Variants in FNTB observed in about 807,000 individuals in gnomAD.
FNTB encodes protein farnesyltransferase subunit beta.
FNTB carries 27 observed loss-of-function variants against 59.4 expected under a neutral mutation model. That is an observed-to-expected ratio of 0.45 (90% CI 0.34 to 0.63). The LOEUF is 0.63. Ranked by LOEUF, FNTB falls within the 20% of genes least tolerant of loss-of-function variation. FNTB has a pLI of 0.02. For missense variants in FNTB, 449 were observed against 559.6 expected, an observed-to-expected ratio of 0.80 and a Z score of 1.99; for synonymous variants, 230 against 220.7, an observed-to-expected ratio of 1.04 and a Z score of -0.37.
Position 65,061,484 on chromosome 14 carries a change from C to T in FNTB, c.*172C>T. ...CCAATGGCTCTGGGTTTGGAGAACACAGTGGCTGGTTTTAAAAATTCTTTC... is the reference window on the plus strand; with the variant it reads ...CCAATGGCTCTGGGTTTGGAGAACATAGTGGCTGGTTTTAAAAATTCTTTC... On this transcript the variant is annotated 3_prime_UTR_variant, in exon 12 of 12. Coordinates refer to ENST00000246166, the MANE Select transcript of FNTB (RefSeq NM_002028.4). The T allele has an allele frequency of 8.4e-7, 1 of 1,191,160 alleles. No homozygotes were observed. Among genetic ancestry groups the T allele is most frequent in the Non-Finnish European group, 1.1e-6 (1 of 886,018 alleles). 73.8% of individuals were successfully genotyped at this position (1,191,160 alleles called of 1,614,324 possible).
intron 4 of FNTB, among the ~76,000 whole-genome samples, chr14:65,020,066 A>G (rs1052544981): frequency 1.3e-5 from 2 of 152,158 alleles, no homozygotes; most frequent in Non-Finnish European, 2.9e-5. Flanking sequence ...CATGTAACAC[A>G]CACGCCCCCT....
chr14:65,004,321 G>A lies in FNTB; in HGVS notation c.209+8G>A, dbSNP rs560735586. 1 of 1,612,082 alleles carries A rather than the reference G, an allele frequency of 6.2e-7. No homozygotes were observed. Among genetic ancestry groups the A allele is most frequent in the South Asian group, 1.1e-5 (1 of 90,708 alleles). ...CAACCACCTTGTACCAAGGTAAGCT[G>A]TGGTTAGGAGTTTGAGGGGATCTGG... On this transcript the variant is annotated splice_region_variant and intron_variant, in intron 2 of 11. Transcript: ENST00000246166.
rs180947107 is a variant in FNTB, at chr14:65,037,776, A to G, written c.693-3014A>G. On this transcript the variant is annotated intron_variant, in intron 7 of 11. Coordinates refer to ENST00000246166, the MANE Select transcript of FNTB (RefSeq NM_002028.4). ...TATTTATTTATTTATTTATTTATTT[A>G]TTTATTTATTTATTTATTTATTGAG... Among the ~76,000 whole-genome samples, 107 of 143,018 alleles carry G rather than the reference A, an allele frequency of 7.5e-4. No individual in the cohort carries two copies. The Middle Eastern group carries it at 0.011, about 14-fold the overall frequency. 93.8% of individuals were successfully genotyped at this position (143,018 alleles called of 152,430 possible).
Position 64,997,265 on chromosome 14 carries a change from G to A in FNTB, c.145-6984G>A, listed in dbSNP as rs999454383. On this transcript the variant is annotated intron_variant, in intron 1 of 11. Transcript: ENST00000246166. The surrounding 1 kb of genome is among the most constrained non-coding windows in gnomAD (Gnocchi z 4.5). The stretch of plus-strand genomic sequence containing the variant: ...GCAGAACCTAAGATTGGCTGTTTGA[G>A]ATGTCTTTTCAGATTTTTGCATTTC... Among the ~76,000 whole-genome samples the A allele has an allele frequency of 2.0e-5, 3 of 152,158 alleles. No homozygotes were observed. The highest frequency in any genetic ancestry group is 7.2e-5 in the African/African-American group (3 of 41,424).
At position 65,054,491 on chromosome 14, in the gene FNTB, C is replaced by T; in HGVS notation, c.1068-84C>T. The T allele has an allele frequency of 7.3e-7, 1 of 1,362,214 alleles. No individual in the cohort carries two copies. 84.4% of individuals were successfully genotyped at this position (1,362,214 alleles called of 1,614,324 possible). A position where few individuals can be genotyped will look rare whatever the true frequency, so the allele number is the denominator to read the frequency against. ...GATGGGGGGGGACGTGTGATTGCAC[C>T]AGTGGTCTCTGAATTGGTGTGGCTA... On this transcript the variant is annotated intron_variant, in intron 10 of 11. Coordinates refer to ENST00000246166, the MANE Select transcript of FNTB (RefSeq NM_002028.4). This position sits in a 1 kb window ranked among gnomAD's most constrained non-coding sequence, Gnocchi z 4.4.
chr14:64,987,110 G>A lies in FNTB; in HGVS notation c.144+13G>A. 6.2e-7 allele frequency: 1 copy of A among 1,613,992 alleles called. No homozygotes were observed. The highest frequency in any genetic ancestry group is 8.5e-7 in the Non-Finnish European group (1 of 1,180,008). On this transcript the variant is annotated intron_variant, in intron 1 of 11. Coordinates refer to ENST00000246166, the MANE Select transcript of FNTB (RefSeq NM_002028.4). ...GTCCATAGAACAGGTGAGGTGGCAG[G>A]ACTGGGCGAGGCGCCCGCGCGATGT...
chr14:65,061,513 A>G lies in FNTB; in HGVS notation c.*201A>G. 1.2e-6 allele frequency: 1 copy of G among 869,396 alleles called. No individual in the cohort carries two copies. The highest frequency in any genetic ancestry group is 1.7e-6 in the Non-Finnish European group (1 of 602,532). The allele number at this position is 869,396 out of a possible 1,614,324, so 53.9% of individuals were successfully genotyped here. A position where few individuals can be genotyped will look rare whatever the true frequency, so the allele number is the denominator to read the frequency against. On this transcript the variant is annotated 3_prime_UTR_variant, in exon 12 of 12. Coordinates refer to ENST00000246166, the MANE Select transcript of FNTB (RefSeq NM_002028.4). The stretch of plus-strand genomic sequence containing the variant: ...GGCTGGTTTTAAAAATTCTTTCCAC[A>G]CCTGTCAAACCAAAAATCTATCAGC...
chr14:64,987,091 A>G lies in FNTB; in HGVS notation c.138A>G (p.Ile46Met), dbSNP rs759929939. The change falls in exon 1 of 12, where the codon ATA (isoleucine) becomes ATG (methionine). Residue 46 changes from isoleucine to methionine, a missense_variant. Transcript: ENST00000246166. ...QDDSVETVTS[I>M]EQAKVEEKIQ... ...ACTCGGTGGAAACAGTCACGTCCATAGAACAGGTGAGGTGGCAGGACTGGG... is the reference window on the plus strand; with the variant it reads ...ACTCGGTGGAAACAGTCACGTCCATGGAACAGGTGAGGTGGCAGGACTGGG... 56 of 1,614,084 alleles carry G rather than the reference A, an allele frequency of 3.5e-5. No homozygotes were observed. In the Admixed American group the frequency reaches 6.5e-4, roughly 19 times the overall value.
chr14:65,056,506 C>A (rs1300070594), intron 11 of FNTB, among the ~76,000 whole-genome samples: 1 of 152,142 alleles, frequency 6.6e-6, no homozygotes, highest in Non-Finnish European at 1.5e-5. Context: ...CATAGTCAGA[C>A]CTTTTCCTTT....
At chr14:65,026,163 CTTG>C (rs1231244561) in intron 4 of FNTB, among the ~76,000 whole-genome samples, 6 of 152,202 alleles carry the variant, frequency 3.9e-5, no homozygotes, top group African/African-American at 9.6e-5. Flanking sequence ...AGACAGTTTG[CTTG>C]TTGTAAATGG....
rs994816099 is a variant in FNTB, at chr14:64,990,302, C to A, written c.144+3205C>A. 6.6e-6 allele frequency among the ~76,000 whole-genome samples: 1 copy of A among 152,162 alleles called. No individual in the cohort carries two copies. Among genetic ancestry groups the A allele is most frequent in the Non-Finnish European group, 1.5e-5 (1 of 68,034 alleles). ...CTGTAGATGTGCCCCAGGAGGGGGC[C>A]CTGCACTGACAGGTTGCCTTGCTTT... is the stretch of plus-strand genomic sequence containing the variant. On this transcript the variant is annotated intron_variant, in intron 1 of 11. Coordinates refer to ENST00000246166, the MANE Select transcript of FNTB (RefSeq NM_002028.4). The surrounding 1 kb of genome is among the most constrained non-coding windows in gnomAD (Gnocchi z 5.2).
In FNTB at chr14:65,054,522, G is replaced by A; in HGVS notation, c.1068-53G>A. On this transcript the variant is annotated intron_variant, in intron 10 of 11. Coordinates refer to ENST00000246166, the MANE Select transcript of FNTB (RefSeq NM_002028.4). This position sits in a 1 kb window ranked among gnomAD's most constrained non-coding sequence, Gnocchi z 4.4. ...TCTCTGAATTGGTGTGGCTACATTT[G>A]TAGATGTGTGCGGAGCAGAGGAGCG... 2 of 1,551,460 alleles carry A rather than the reference G, an allele frequency of 1.3e-6. No individual in the cohort carries two copies. Among genetic ancestry groups the A allele is most frequent in the South Asian group, 2.3e-5 (2 of 85,638 alleles).
At chr14:65,002,296 T>G (rs75448122) in intron 1 of FNTB, among the ~76,000 whole-genome samples, 2,656 of 152,344 alleles carry the variant, frequency 0.017, 46 homozygotes, top group African/African-American at 0.037. Context: ...CATTGCCTGA[T>G]GCACTCAGCA....
At chr14:65,049,063 G>A (rs1226657998) in intron 9 of FNTB, among the ~76,000 whole-genome samples, 1 of 151,922 alleles carries the variant, frequency 6.6e-6, no homozygotes, top group Non-Finnish European at 1.5e-5. Context: ...GGAGGCGGAG[G>A]TTGCAGTGAG....
rs547446900 is a variant in FNTB at position 65,060,504 on chromosome 14, G to A, written c.1183-677G>A. ...GAGGTCAGGAGATCGAGACCATCCC[G>A]GCTAAAACGGTGAAACCCCGTCTCT... is the stretch of plus-strand genomic sequence containing the variant. On this transcript the variant is annotated intron_variant, in intron 11 of 11. Coordinates refer to ENST00000246166, the MANE Select transcript of FNTB (RefSeq NM_002028.4). 3.9e-5 allele frequency among the ~76,000 whole-genome samples: 5 copies of A among 127,446 alleles called. 1 individual carries two copies. The East Asian group carries it at 9.0e-4, about 23-fold the overall frequency. 83.6% of individuals were successfully genotyped at this position (127,446 alleles called of 152,430 possible). A position where few individuals can be genotyped will look rare whatever the true frequency, so the allele number is the denominator to read the frequency against.
intron 1 of FNTB, 30 bp downstream of exon 1, chr14:64,987,127 G>A: frequency 8.7e-6 from 14 of 1,613,164 alleles, no homozygotes; most frequent in Non-Finnish European, 1.2e-5. Context: ...CGAGGCGCCC[G>A]CGCGATGTGT....
chr14:65,006,529 T>G (rs942138707), intron 2 of FNTB, among the ~76,000 whole-genome samples: 15 of 152,200 alleles, frequency 9.9e-5, no homozygotes, highest in Non-Finnish European at 2.2e-4. Context: ...TGGTTCAAGC[T>G]TAGCCTCCCC....
chr14:65,051,895 C>A (rs143210184), intron 9 of FNTB, among the ~76,000 whole-genome samples: 2 of 151,112 alleles, frequency 1.3e-5, no homozygotes, highest in Non-Finnish European at 2.9e-5. Flanking sequence ...CCTGGGTTCA[C>A]GCCATTCTCC....
intron 2 of FNTB, 111 bp downstream of exon 2, chr14:65,004,424 T>C: frequency 8.7e-7 from 1 of 1,152,362 alleles, no homozygotes; most frequent in South Asian, 1.5e-5. Flanking sequence ...GCTGCAAGAA[T>C]GGTGTTTCTT....
Sources: allele counts gnomAD v4.1 joint callset (sites outside exome capture counted in the v4.1 genomes callset), GRCh38; gene constraint gnomAD v4.1.1; non-coding constraint Gnocchi (gnomAD v3.1); transcripts MANE v1.5; gene names NCBI Gene and HGNC (gene_info 2026-07-23, HGNC 2026-07-21).